Variants in GRID2 observed in about 807,000 individuals in gnomAD.
GRID2 encodes the protein glutamate receptor ionotropic, delta-2.
A neutral mutation model predicts 114.8 loss-of-function variants in GRID2; 33 were observed. The ratio of observed to expected loss-of-function variants is 0.29; its 90% CI spans 0.22 to 0.38. The LOEUF (loss-of-function observed/expected upper bound fraction) is 0.38. Ranked by LOEUF, GRID2 falls within the 10% of genes least tolerant of loss-of-function variation. The pLI, the probability that GRID2 is intolerant of heterozygous loss-of-function variation, is 1.00. For missense variants in GRID2, 1,184 were observed against 1,257.7 expected (o/e 0.94, Z 0.89); for synonymous variants, 505 against 449.9 (o/e 1.12, Z -1.55).
At chr4:93,009,632 C>G (rs558103201) in intron 2 of GRID2, among the ~76,000 whole-genome samples, 141 of 152,164 alleles carry the variant, frequency 9.3e-4, no homozygotes, top group Non-Finnish European at 1.6e-3. Context: ...ATTTTATCCC[C>G]TCTCCCACAA....
intron 1 of GRID2, among the ~76,000 whole-genome samples, chr4:92,577,628 A>G (rs1194968464): frequency 3.3e-5 from 5 of 152,202 alleles, no homozygotes; most frequent in Admixed American, 3.3e-4. Context: ...AGCTGGTTGT[A>G]ACAGGACTTG....
intron 2 of GRID2, among the ~76,000 whole-genome samples, chr4:92,915,578 C>A (rs1247242579): frequency 1.1e-4 from 16 of 151,988 alleles, no homozygotes; most frequent in Non-Finnish European, 1.5e-5. Context: ...AGGGTAGTAC[C>A]CAGAAATGGG....
chr4:92,837,342 T>C (rs923372153), intron 2 of GRID2, among the ~76,000 whole-genome samples: 5 of 152,004 alleles, frequency 3.3e-5, no homozygotes, highest in Admixed American at 6.6e-5. Context: ...AAGGGTCCAT[T>C]TCTATGTTTA....
At chr4:93,090,200 G>C (rs1195946415) in intron 3 of GRID2, among the ~76,000 whole-genome samples, 1 of 152,110 alleles carries the variant, frequency 6.6e-6, no homozygotes, top group Non-Finnish European at 1.5e-5. Flanking sequence ...TTTATTTAAA[G>C]AGACTATAAA....
intron 8 of GRID2, among the ~76,000 whole-genome samples, chr4:93,324,817 C>T (rs112883544): frequency 0.23 from 35,299 of 151,922 alleles, 4,587 homozygotes; most frequent in Middle Eastern, 0.37. Flanking sequence ...TTCTAGTTTA[C>T]TTGCGTAGAG....
At chr4:92,434,349 G>A (rs868554742) in intron 1 of GRID2, among the ~76,000 whole-genome samples, 16 of 152,314 alleles carry the variant, frequency 1.1e-4, no homozygotes, top group Middle Eastern at 3.4e-3. Context: ...AGGAGTATGT[G>A]TATATTTGGG....
chr4:93,365,511 A>G (rs1354090797), intron 8 of GRID2, among the ~76,000 whole-genome samples: 1 of 152,178 alleles, frequency 6.6e-6, no homozygotes. Flanking sequence ...TATACTACTT[A>G]TCACTCAGTG....
chr4:93,617,267 T>C (rs1741774237), intron 13 of GRID2, among the ~76,000 whole-genome samples: 1 of 152,186 alleles, frequency 6.6e-6, no homozygotes, highest in African/African-American at 2.4e-5. Flanking sequence ...TTTATAGAGC[T>C]ATCAGGGGAA....
chr4:92,384,516 AT>A (rs375334456), intron 1 of GRID2, among the ~76,000 whole-genome samples: 6 of 30,566 alleles, frequency 2.0e-4, no homozygotes, highest in South Asian at 8.8e-4. Context: ...TATATATAAT[AT>A]TATATAATAT....
rs1316891163 is a variant in GRID2, at chr4:92,867,686, C to T, written c.245-217309C>T. 2.0e-5 allele frequency among the ~76,000 whole-genome samples: 3 copies of T among 151,390 alleles called. No homozygotes were observed. The East Asian group carries it at 5.8e-4, about 29-fold the overall frequency. On this transcript the variant is annotated intron_variant, in intron 2 of 15. Coordinates refer to ENST00000282020, the MANE Select transcript of GRID2 (RefSeq NM_001510.4). The stretch of plus-strand genomic sequence containing the variant: ...TTTAACACTTGGTTGCTCAATGGAA[C>T]CTTAAAAATTCCTATGATCTGCATT...
chr4:93,801,347 A>C (rs2110366987), intron 1 of GRID2, among the ~76,000 whole-genome samples: 1 of 152,206 alleles, frequency 6.6e-6, no homozygotes, highest in Non-Finnish European at 1.5e-5. Context: ...AAGGTGAATA[A>C]GTTTGTGTAT....
chr4:92,516,685 A>G (rs1724518135), intron 1 of GRID2, among the ~76,000 whole-genome samples: 1 of 151,710 alleles, frequency 6.6e-6, no homozygotes, highest in African/African-American at 2.4e-5. Context: ...AACCTTCCCT[A>G]AGAGGAGGTG....
At chr4:93,127,587 G>C (rs1460446426) in intron 4 of GRID2, among the ~76,000 whole-genome samples, 1 of 152,054 alleles carries the variant, frequency 6.6e-6, no homozygotes, top group Non-Finnish European at 1.5e-5. Context: ...CTAAACCTAG[G>C]GGATAGATGC....
chr4:93,434,616 TA>T (rs1720890267), intron 10 of GRID2, among the ~76,000 whole-genome samples: 1 of 152,158 alleles, frequency 6.6e-6, no homozygotes, highest in South Asian at 2.1e-4. Context: ...ATCTTGTTCC[TA>T]GCCACAATTA....
intron 2 of GRID2, among the ~76,000 whole-genome samples, chr4:92,970,438 G>A (rs368971630): frequency 2.6e-5 from 4 of 151,912 alleles, no homozygotes; most frequent in South Asian, 2.1e-4. Context: ...TTACTTTTGC[G>A]TCAACCTAAT....
At chr4:92,524,407 C>CTTTTT (rs869060153) in intron 1 of GRID2, among the ~76,000 whole-genome samples, 1,159 of 106,438 alleles carry the variant, frequency 0.011, 7 homozygotes, top group Middle Eastern at 0.016. Flanking sequence ...ATTTCCTTGT[C>CTTTTT]TTTTTTTTTT....
intron 2 of GRID2, among the ~76,000 whole-genome samples, chr4:92,656,615 T>C (rs1732251482): frequency 6.6e-6 from 1 of 151,746 alleles, no homozygotes; most frequent in Admixed American, 6.6e-5. Flanking sequence ...CACAATCTAA[T>C]CATAGAAAGT....
chr4:93,647,392 A>G (rs778821774), intron 14 of GRID2, among the ~76,000 whole-genome samples: 9 of 152,322 alleles, frequency 5.9e-5, no homozygotes, highest in South Asian at 4.1e-4. Flanking sequence ...CAACAGGACA[A>G]TGTTCTCAAG....
intron 8 of GRID2, among the ~76,000 whole-genome samples, chr4:93,389,674 A>G (rs1466863106): frequency 6.6e-6 from 1 of 152,188 alleles, no homozygotes; most frequent in Admixed American, 6.5e-5. Context: ...ACTTGAGACA[A>G]TATCCCTAGT....
Sources: gnomAD v4.1 joint callset for allele counts (sites outside exome capture counted in the v4.1 genomes callset) on GRCh38, gnomAD v4.1.1 for gene constraint, MANE v1.5 for transcripts, NCBI Gene and HGNC (gene_info 2026-07-23, HGNC 2026-07-21) for gene names.